Variants in PKD1L1 observed in about 807,000 individuals in gnomAD.
The protein encoded by PKD1L1 is polycystin 1 like 1, transient receptor potential channel interacting, also known as polycystin-1-like protein 1.
PKD1L1 carries 236 observed loss-of-function variants against 323.4 expected under a neutral mutation model. That is an observed-to-expected ratio of 0.73 (90% CI 0.66 to 0.81). The LOEUF (loss-of-function observed/expected upper bound fraction) is 0.81, where lower values mean the gene tolerates loss of function less well. Among genes scored for constraint, PKD1L1 ranks in the 40% least tolerant of loss-of-function variants. The pLI is 0.00. For synonymous variants in PKD1L1, 1,344 were observed against 1,335.0 expected (o/e 1.01, Z -0.15); for missense variants, 3,320 against 3,508.0 (o/e 0.95, Z 1.35).
At chr7:47,865,620 T>C (rs182701716) in intron 25 of PKD1L1, among the ~76,000 whole-genome samples, 10,136 of 151,410 alleles carry the variant, frequency 0.067, 416 homozygotes, top group Non-Finnish European at 0.073. Context: ...GAGTCTCGCT[T>C]TGTCGCCCAG....
In PKD1L1 at chr7:47,940,207, C is replaced by G. The variant is rs145121666; in HGVS notation, c.271G>C (p.Ala91Pro). 2.8e-5 allele frequency: 45 copies of G among 1,614,044 alleles called. No homozygotes were observed. The highest frequency in any genetic ancestry group is 5.0e-5 in the Admixed American group (3 of 60,000). The change falls in exon 3 of 57, where the codon GCT becomes CCT. Residue 91 changes from alanine to proline, a missense_variant. Transcript: ENST00000289672. ...DRESQSPSSS[A>P]SRQKNIWKTT... ...TCCAGGAATACCTTCTGCCTGGAAGCTGATGAGGATGGGCTCTGTGATTCC... is the reference window on the plus strand; with the variant it reads ...TCCAGGAATACCTTCTGCCTGGAAGGTGATGAGGATGGGCTCTGTGATTCC...
At chr7:47,925,471 C>T (rs974542415) in intron 7 of PKD1L1, among the ~76,000 whole-genome samples, 2 of 152,188 alleles carry the variant, frequency 1.3e-5, no homozygotes, top group African/African-American at 2.4e-5. Flanking sequence ...AAAGACTCTA[C>T]ATAAATTAAT....
At chr7:47,875,669 T>C (rs1786388587) in intron 23 of PKD1L1, among the ~76,000 whole-genome samples, 1 of 152,194 alleles carries the variant, frequency 6.6e-6, no homozygotes, top group South Asian at 2.1e-4. Flanking sequence ...TCATTTTGTT[T>C]TGAGGTTATG....
intron 9 of PKD1L1, among the ~76,000 whole-genome samples, chr7:47,906,860 A>G (rs1554410788): frequency 1.3e-5 from 2 of 152,124 alleles, no homozygotes; most frequent in Non-Finnish European, 1.5e-5. Context: ...GCATGCCTGA[A>G]AATTAATTCT....
At position 47,836,779 on chromosome 7, in the gene PKD1L1, C is replaced by G. The variant is rs1039420310; in HGVS notation, c.5943+142G>C. On this transcript the variant is annotated intron_variant, in intron 37 of 56. Coordinates refer to ENST00000289672, the MANE Select transcript of PKD1L1 (RefSeq NM_138295.5). ...CGGGCAGAGCCCTCCTGTTCCTTCT[C>G]TGGTCCCCAGGCAGCCAGGCTTGCT... The G allele has an allele frequency of 3.8e-6, 4 of 1,066,368 alleles. No individual in the cohort carries two copies. In the African/African-American group the frequency reaches 4.8e-5, roughly 13 times the overall value. The allele number at this position is 1,066,368 out of a possible 1,614,324, so 66.1% of individuals were successfully genotyped here.
chr7:47,797,279 C>A (rs1784564586), intron 54 of PKD1L1, among the ~76,000 whole-genome samples: 6 of 152,222 alleles, frequency 3.9e-5, no homozygotes, highest in Admixed American at 3.9e-4. Flanking sequence ...ACGCTGTAAA[C>A]CTGTGGACAG....
chr7:47,833,106 G>A lies in PKD1L1; in HGVS notation c.6321C>T (p.Cys2107=). The change falls in exon 41 of 57, where the codon TGC becomes TGT. Residue 2107 remains cysteine, a synonymous_variant. Coordinates refer to ENST00000289672, the MANE Select transcript of PKD1L1 (RefSeq NM_138295.5). ...CACAGTTACCTTGAGTGTGGGGAGG[G>A]CAGCAGTGGCTTTTCCCCATCAGAG... The part of the protein sequence containing the change: ...RTSLMGKSHC[C]PPHTQAPSSG... 2.5e-6 allele frequency: 4 copies of A among 1,611,460 alleles called. No homozygotes were observed. The highest frequency in any genetic ancestry group is 3.4e-6 in the Non-Finnish European group (4 of 1,178,920).
rs1191204475 is a variant in PKD1L1 at position 47,929,552 on chromosome 7, G to T, written c.738-26C>A. 5 of 1,584,048 alleles carry T rather than the reference G, an allele frequency of 3.2e-6. No individual in the cohort carries two copies. In the East Asian group the frequency reaches 1.1e-4, roughly 36 times the overall value. ...CTGTGGGAGAGAGGGAGAGGCTTCA[G>T]ATTTCATGACAGTGGACCACTGGGG... On this transcript the variant is annotated intron_variant, in intron 6 of 56. Transcript: ENST00000289672.
At chr7:47,950,570 T>C (rs1788189701), upstream of PKD1L1, among the ~76,000 whole-genome samples, 2 of 152,054 alleles carry the variant, frequency 1.3e-5, no homozygotes. Context: ...ATTAGCCAGG[T>C]GTGGTGATGC....
chr7:47,943,434 A>T lies in PKD1L1; in HGVS notation c.122T>A (p.Leu41Gln), dbSNP rs183524387. ...ACCTCCAGGAGGGCTACAGCTGCAC[A>T]GATGAAGACCCCAGCTCTTGTCAGT... is the stretch of plus-strand genomic sequence containing the variant. ...VSTDKSWGLH[L>Q]CSCSPPGGGL... is the part of the protein sequence containing the mutation. Residue 41 changes from leucine to glutamine, a missense_variant, in exon 2 of 57, where the codon CTG becomes CAG. Physicochemically the swap from Leu to Gln is moderately radical, Grantham distance 113. Transcript: ENST00000289672. The T allele has an allele frequency of 2.8e-4, 458 of 1,613,652 alleles. 5 individuals carry two copies. In the East Asian group the frequency reaches 7.3e-3, roughly 26 times the overall value.
At chr7:47,792,586 C>T (rs753796930) in intron 56 of PKD1L1, 41 bp downstream of exon 56, 2 of 1,549,706 alleles carry the variant, frequency 1.3e-6, no homozygotes, top group Non-Finnish European at 1.8e-6. Context: ...ACTTAAATTG[C>T]TATGAAGAAA....
At chr7:47,864,580 C>CT (rs999356068) in intron 26 of PKD1L1, among the ~76,000 whole-genome samples, 5 of 52,954 alleles carry the variant, frequency 9.4e-5, no homozygotes, top group African/African-American at 4.6e-4. Flanking sequence ...TCTTTCTTTT[C>CT]TTTCTTTCTT....
chr7:47,860,538 C>G (rs17628198), intron 26 of PKD1L1, among the ~76,000 whole-genome samples: 29,861 of 152,090 alleles, frequency 0.2, 3,221 homozygotes, highest in Middle Eastern at 0.23. Context: ...AGTTCTTCCA[C>G]CACAATAAGA....
chr7:47,782,102 T>C (rs1271118253), intron 56 of PKD1L1, among the ~76,000 whole-genome samples: 1 of 152,158 alleles, frequency 6.6e-6, no homozygotes, highest in Non-Finnish European at 1.5e-5. Context: ...TATAACCACC[T>C]TCTGTGCAAG....
intron 46 of PKD1L1, among the ~76,000 whole-genome samples, chr7:47,817,769 C>T (rs1428154445): frequency 6.6e-6 from 1 of 151,942 alleles, no homozygotes; most frequent in Non-Finnish European, 1.5e-5. Context: ...ACTTGGGGGG[C>T]TGAGGCAGGA....
chr7:47,829,471 A>G lies in PKD1L1; in HGVS notation c.6689T>C (p.Phe2230Ser). ...GTCAGGAATACTGCAGCTTGAAGAG[A>G]AGGGGAGGCGAGTCCAGGAACGTTC... Reference protein sequence around the residue: ...LAERSWTRLPFSSSCSIPDCA... With the variant: ...LAERSWTRLPSSSSCSIPDCA... Residue 2230 changes from phenylalanine (F) to serine (S), a missense_variant, in exon 44 of 57, where the codon TTC becomes TCC. Phe to Ser is a radical substitution (Grantham distance 155). Coordinates refer to ENST00000289672, the MANE Select transcript of PKD1L1 (RefSeq NM_138295.5). 1 of 1,614,066 alleles carries G rather than the reference A, an allele frequency of 6.2e-7. No individual in the cohort carries two copies. The highest frequency in any genetic ancestry group is 8.5e-7 in the Non-Finnish European group (1 of 1,180,020).
intron 56 of PKD1L1, among the ~76,000 whole-genome samples, chr7:47,779,348 C>T (rs761515663): frequency 6.6e-5 from 10 of 152,132 alleles, no homozygotes; most frequent in East Asian, 3.9e-4. Flanking sequence ...GTCTGGGATA[C>T]GATGCTGTTC....
chr7:47,847,958 T>C (rs762560394), intron 31 of PKD1L1, among the ~76,000 whole-genome samples: 7 of 149,982 alleles, frequency 4.7e-5, no homozygotes, highest in Non-Finnish European at 1.0e-4. Flanking sequence ...AGTGGGCATA[T>C]ATGAACAATT....
intron 13 of PKD1L1, among the ~76,000 whole-genome samples, chr7:47,899,182 T>C (rs1787022808): frequency 1.3e-5 from 2 of 152,200 alleles, no homozygotes; most frequent in African/African-American, 4.8e-5. Flanking sequence ...TGTTACTTTT[T>C]AGATGCTCCA....
Sources: gnomAD v4.1 joint callset for allele counts (sites outside exome capture counted in the v4.1 genomes callset) on GRCh38, gnomAD v4.1.1 for gene constraint, MANE v1.5 for transcripts, NCBI Gene and HGNC (gene_info 2026-07-23, HGNC 2026-07-21) for gene names.